The following ODF2L variants were observed in gnomAD, a reference collection of about 807,000 sequenced individuals.
ODF2L encodes protein BCAP.
ODF2L carries 76 observed loss-of-function variants against 86.3 expected under a neutral mutation model. The observed-to-expected ratio is 0.88, with a 90% confidence interval of 0.73 to 1.07. The LOEUF is 1.07. ODF2L is among the 50% of genes least tolerant of loss of function. The pLI, the probability that ODF2L is intolerant of heterozygous loss-of-function variation, is 0.00. For missense variants in ODF2L, 748 were observed against 717.4 expected (o/e 1.04, Z -0.49); for synonymous variants, 241 against 231.3 (o/e 1.04, Z -0.38).
intron 14 of ODF2L, chr1:86,355,347 A>G (rs780705339): frequency 6.5e-7 from 1 of 1,534,040 alleles, no homozygotes; most frequent in Non-Finnish European, 8.8e-7. Context: ...ACACTCACCC[A>G]TGCCAAGACA....
chr1:86,376,526 C>T, intron 7 of ODF2L, 108 bp from the exon 8 acceptor site: 1 of 656,332 alleles, frequency 1.5e-6, no homozygotes, highest in East Asian at 2.7e-5. Context: ...ACTCCATTCT[C>T]ACACTGCCAT....
chr1:86,356,484 C>T (rs773211937), exon 14 of ODF2L: 1 of 1,613,926 alleles, frequency 6.2e-7, no homozygotes, highest in Non-Finnish European at 8.5e-7. Context: ...CTGGTCTGCA[C>T]ACTTCCCCTT....
downstream of ODF2L, chr1:86,347,322 A>G (rs1232512780): frequency 6.6e-6 from 1 of 152,184 alleles, no homozygotes; most frequent in Non-Finnish European, 1.5e-5. Context: ...GCCCTTAAGG[A>G]GCTTACAGTT....
chr1:86,369,369 G>A (rs1426403597), intron 10 of ODF2L, among the ~76,000 whole-genome samples: 1 of 152,140 alleles, frequency 6.6e-6, no homozygotes, highest in Non-Finnish European at 1.5e-5. Flanking sequence ...CATTAAAGGT[G>A]AGAAAAGAAG....
chr1:86,383,694 T>C (rs1451007321), intron 4 of ODF2L, among the ~76,000 whole-genome samples: 2 of 151,786 alleles, frequency 1.3e-5, no homozygotes, highest in Non-Finnish European at 3.0e-5. Context: ...AAGCTATCAA[T>C]TCTTTTCACC....
At chr1:86,352,891 C>G (rs1318371824) in exon 17 of ODF2L, 1 of 1,547,424 alleles carries the variant, frequency 6.5e-7, no homozygotes, top group Non-Finnish European at 8.9e-7. Flanking sequence ...TGATTTTGTT[C>G]TTCATTTTTC....
intron 1 of ODF2L, among the ~76,000 whole-genome samples, chr1:86,391,368 C>T (rs1661313415): frequency 6.6e-6 from 1 of 152,090 alleles, no homozygotes; most frequent in African/African-American, 2.4e-5. Flanking sequence ...CAAAAAAGAG[C>T]CCACATAGCC....
At chr1:86,388,740 C>T (rs1252004613) in intron 1 of ODF2L, among the ~76,000 whole-genome samples, 1 of 152,054 alleles carries the variant, frequency 6.6e-6, no homozygotes, top group African/African-American at 2.4e-5. Context: ...GTATTTTATA[C>T]ACAACTTTTC....
At chr1:86,370,128 GA>G (rs965323264) in intron 10 of ODF2L, among the ~76,000 whole-genome samples, 7 of 142,668 alleles carry the variant, frequency 4.9e-5, no homozygotes, top group Middle Eastern at 3.6e-3. Context: ...CTTAAATCAA[GA>G]AAAAAAAAAG....
At chr1:86,372,825 G>A (rs1006536526) in intron 8 of ODF2L, among the ~76,000 whole-genome samples, 8 of 152,298 alleles carry the variant, frequency 5.3e-5, no homozygotes, top group Admixed American at 5.2e-4. Context: ...CAGCAACCTG[G>A]ATGAAGTTGG....
Position 86,364,083 on chromosome 1 carries a change from TAA to T in ODF2L, c.1144-3549_1144-3548del, listed in dbSNP as rs71796539. On this transcript the variant is annotated intron_variant, in intron 11 of 17. Coordinates refer to ENST00000317336, the Ensembl canonical transcript of ODF2L. The stretch of plus-strand genomic sequence containing the variant: ...TTTCTTAACTATTAATAGAATATGC[TAA>T]GATACAAATTTAACTTTATGACTTT... 0.011 allele frequency among the ~76,000 whole-genome samples: 1,682 copies of T among 152,294 alleles called. 66 individuals carry two copies. The East Asian group carries it at 0.11, about 10-fold the overall frequency.
At chr1:86,386,052 A>G (rs533416845) in intron 2 of ODF2L, 1 of 152,828 alleles carries the variant, frequency 6.5e-6, no homozygotes, top group East Asian at 1.9e-4. Flanking sequence ...ATTAAAAACC[A>G]TGGGCAGAAA....
rs1359956736 is a variant in ODF2L, at chr1:86,362,594, C to A, written c.1144-2058G>T. Among the ~76,000 whole-genome samples the A allele has an allele frequency of 2.6e-5, 4 of 152,210 alleles. No individual in the cohort carries two copies. The East Asian group carries it at 7.7e-4, about 29-fold the overall frequency. ...GCATGAGCCACCGTGCCCAGGCAGT[C>A]AATGACCTTCAGTGAAGGACACGTC... is the stretch of plus-strand genomic sequence containing the variant. On this transcript the variant is annotated intron_variant, in intron 11 of 17. Coordinates refer to ENST00000317336, the Ensembl canonical transcript of ODF2L.
intron 1 of ODF2L, among the ~76,000 whole-genome samples, chr1:86,393,060 T>C (rs1357927340): frequency 6.6e-6 from 1 of 152,186 alleles, no homozygotes; most frequent in Non-Finnish European, 1.5e-5. Context: ...ACCATGATGC[T>C]AGCCATGGTC....
intron 16 of ODF2L, among the ~76,000 whole-genome samples, chr1:86,353,882 T>C (rs1465600315): frequency 6.6e-6 from 1 of 152,168 alleles, no homozygotes; most frequent in Admixed American, 6.5e-5. Context: ...AAACTACAGA[T>C]AGCCCCATAT....
intron 4 of ODF2L, 89 bp downstream of exon 4, chr1:86,384,587 A>T: frequency 1.2e-6 from 1 of 843,880 alleles, no homozygotes; most frequent in Non-Finnish European, 1.6e-6. Context: ...CATTTCAAAT[A>T]TACCAATAAT....
chr1:86,358,029 T>C lies in ODF2L; in HGVS notation c.1359+758A>G, dbSNP rs574238724. ...AGTTGTGCATTCAGTGAGCTATCTT[T>C]ATGTCTGTATAACTGGAGGACGCTT... is the stretch of plus-strand genomic sequence containing the variant. On this transcript the variant is annotated intron_variant, in intron 13 of 17. Transcript: ENST00000317336. The C allele has an allele frequency of 4.7e-5, 46 of 985,146 alleles. No individual in the cohort carries two copies. The East Asian group carries it at 3.3e-3, about 71-fold the overall frequency. The allele number at this position is 985,146 out of a possible 1,614,324, so 61.0% of individuals were successfully genotyped here.
Position 86,354,753 on chromosome 1 carries a change from G to A in ODF2L, c.1604+21C>T, listed in dbSNP as rs1237406287. ...GTGCAGAGAAATATGCAGCAGCAAT[G>A]TTAAGTAATTTAATACTTACTGTTG... On this transcript the variant is annotated intron_variant, in intron 15 of 17. Coordinates refer to ENST00000317336, the Ensembl canonical transcript of ODF2L. 3.3e-6 allele frequency: 5 copies of A among 1,535,366 alleles called. No homozygotes were observed. The South Asian group carries it at 5.7e-5, about 17-fold the overall frequency.
chr1:86,363,736 G>T (rs1355815434), intron 11 of ODF2L, among the ~76,000 whole-genome samples: 1 of 151,872 alleles, frequency 6.6e-6, no homozygotes, highest in East Asian at 1.9e-4. Flanking sequence ...TCAGTTATGA[G>T]ATTACAGGTG....
Sources: gnomAD v4.1 joint callset for allele counts (sites outside exome capture counted in the v4.1 genomes callset) on GRCh38, gnomAD v4.1.1 for gene constraint, MANE v1.5 for transcripts, NCBI Gene and HGNC (gene_info 2026-07-23, HGNC 2026-07-21) for gene names.